FGD4: variants seen among roughly 807,000 people sequenced by gnomAD.
FGD4 encodes FYVE, RhoGEF and PH domain-containing protein 4.
A neutral mutation model predicts 102.0 loss-of-function variants in FGD4; 42 were observed. The ratio of observed to expected loss-of-function variants is 0.41; its 90% CI spans 0.32 to 0.53. The LOEUF (loss-of-function observed/expected upper bound fraction) is 0.53. Among genes scored for constraint, FGD4 ranks in the 20% least tolerant of loss-of-function variants. The pLI, the probability that FGD4 is intolerant of heterozygous loss-of-function variation, is 0.21. For synonymous variants in FGD4, 380 were observed against 375.7 expected (o/e 1.01, Z -0.13); for missense variants, 902 against 1,078.2 (o/e 0.84, Z 2.29).
At chr12:32,412,316 G>C (rs2136398062) in intron 1 of FGD4, among the ~76,000 whole-genome samples, 1 of 152,226 alleles carries the variant, frequency 6.6e-6, no homozygotes, top group East Asian at 1.9e-4. Flanking sequence ...ATGGAGAGAA[G>C]GAAAAAGTAT....
intron 9 of FGD4, 85 bp from the exon 10 acceptor site, chr12:32,611,052 T>TTA: frequency 6.6e-7 from 1 of 1,526,388 alleles, no homozygotes; most frequent in Non-Finnish European, 9.0e-7. Flanking sequence ...CCTTCTAAAT[T>TTA]TAGATTTTAG....
chr12:32,459,865 ATTTTTTTTGT>A (rs1162695119), intron 1 of FGD4, among the ~76,000 whole-genome samples: 4 of 150,702 alleles, frequency 2.7e-5, no homozygotes, highest in South Asian at 2.1e-4. Flanking sequence ...CATCTGGCTG[ATTTTTTTTGT>A]TTTTTTTTGT....
intron 1 of FGD4, among the ~76,000 whole-genome samples, chr12:32,415,333 A>G (rs1265303968): frequency 7.6e-6 from 1 of 131,504 alleles, no homozygotes; most frequent in Non-Finnish European, 1.6e-5. Context: ...TTCCTTGTTT[A>G]TTTTCTGTCT....
At position 32,486,037 on chromosome 12, in the gene FGD4, A is replaced by G. The variant is rs185242794; in HGVS notation, c.167-78100A>G. ...TCTAGTGTCTAAATACAGAATGCCT[A>G]TAGTTTCTACCAACAAATTATGGAT... On this transcript the variant is annotated intron_variant, in intron 1 of 16. Transcript: ENST00000534526. The G allele has an allele frequency of 2.2e-3, 3,327 of 1,482,788 alleles. 85 individuals are homozygous for G. In the South Asian group the frequency reaches 0.042, roughly 19 times the overall value. The allele number at this position is 1,482,788 out of a possible 1,614,324, so 91.9% of individuals were successfully genotyped here. A position where few individuals can be genotyped will look rare whatever the true frequency, so the allele number is the denominator to read the frequency against.
At chr12:32,629,082 G>A (rs979741486) in intron 14 of FGD4, among the ~76,000 whole-genome samples, 1 of 152,192 alleles carries the variant, frequency 6.6e-6, no homozygotes, top group African/African-American at 2.4e-5. Flanking sequence ...ATTGGAGTAA[G>A]CACTGTAAGA....
At chr12:32,477,885 C>T (rs891123701) in intron 1 of FGD4, among the ~76,000 whole-genome samples, 4 of 152,060 alleles carry the variant, frequency 2.6e-5, no homozygotes, top group Non-Finnish European at 4.4e-5. Context: ...TGGTAGGAGA[C>T]GACAAAACAG....
intron 11 of FGD4, among the ~76,000 whole-genome samples, chr12:32,621,804 T>G (rs1317119576): frequency 6.6e-6 from 1 of 152,160 alleles, no homozygotes; most frequent in Non-Finnish European, 1.5e-5. Flanking sequence ...AAGGGCAGAA[T>G]ATATGATGCT....
At chr12:32,639,070 A>G in intron 16 of FGD4, 1 of 691,374 alleles carries the variant, frequency 1.4e-6, no homozygotes, top group Non-Finnish European at 2.1e-6. Context: ...GAGCATGAGG[A>G]GAAGGGGAAG....
chr12:32,597,425 T>A (rs988152585), intron 4 of FGD4, among the ~76,000 whole-genome samples: 16 of 152,176 alleles, frequency 1.1e-4, no homozygotes, highest in African/African-American at 3.1e-4. Context: ...ATTGTACCAT[T>A]ACCAGGAGGA....
intron 11 of FGD4, among the ~76,000 whole-genome samples, chr12:32,622,308 T>G (rs1022707597): frequency 1.3e-5 from 2 of 152,226 alleles, no homozygotes; most frequent in African/African-American, 4.8e-5. Flanking sequence ...GGGTAGATAT[T>G]TCTCAGGTTT....
At chr12:32,464,758 C>G (rs1274388684) in intron 1 of FGD4, among the ~76,000 whole-genome samples, 4 of 152,148 alleles carry the variant, frequency 2.6e-5, no homozygotes, top group African/African-American at 9.7e-5. Context: ...TATTAAGGGT[C>G]ATAGTTTCAT....
chr12:32,430,625 G>A (rs565250240), intron 1 of FGD4, among the ~76,000 whole-genome samples: 13 of 126,312 alleles, frequency 1.0e-4, no homozygotes, highest in South Asian at 2.5e-4. Flanking sequence ...ATATAATTGC[G>A]TGTGTGTAAA....
intron 10 of FGD4, among the ~76,000 whole-genome samples, chr12:32,619,382 A>C (rs556948404): frequency 1.6e-3 from 249 of 152,210 alleles, no homozygotes; most frequent in Non-Finnish European, 2.7e-3. Context: ...TAATCCCAGC[A>C]CTTTGGGAGG....
intron 2 of FGD4, among the ~76,000 whole-genome samples, chr12:32,575,175 G>A (rs1946026279): frequency 6.6e-6 from 1 of 152,172 alleles, no homozygotes; most frequent in South Asian, 2.1e-4. Context: ...TATTGATGCA[G>A]GCCAACCATC....
At chr12:32,485,751 AT>A in intron 1 of FGD4, 1 of 789,202 alleles carries the variant, frequency 1.3e-6, no homozygotes, top group Non-Finnish European at 1.5e-6. Context: ...ACCAAGACCT[AT>A]TTTTAAAGGG....
intron 1 of FGD4, chr12:32,502,278 G>C (rs1938282106): frequency 1.0e-6 from 1 of 985,404 alleles, no homozygotes; most frequent in Non-Finnish European, 1.2e-6. Context: ...ACAAATGAAG[G>C]GAGTTTTACT....
chr12:32,620,538 T>C (rs1308719331), intron 11 of FGD4, among the ~76,000 whole-genome samples: 2 of 142,568 alleles, frequency 1.4e-5, no homozygotes, highest in Non-Finnish European at 3.1e-5. Context: ...TTTTTTTTTT[T>C]TTTTTGAGAT....
At chr12:32,629,637 GTCTC>G (rs1365977931) in intron 14 of FGD4, among the ~76,000 whole-genome samples, 3 of 151,832 alleles carry the variant, frequency 2.0e-5, no homozygotes, top group South Asian at 2.1e-4. Flanking sequence ...TTATCTCTGT[GTCTC>G]TCTCTATAGC....
chr12:32,499,801 A>C (rs1223900459), intron 1 of FGD4, among the ~76,000 whole-genome samples: 1 of 152,176 alleles, frequency 6.6e-6, no homozygotes, highest in Non-Finnish European at 1.5e-5. Context: ...GGATCACTTG[A>C]GCTCAGGAGT....
Sources: gnomAD v4.1 joint callset for allele counts (sites outside exome capture counted in the v4.1 genomes callset) on GRCh38, gnomAD v4.1.1 for gene constraint, MANE v1.5 for transcripts, NCBI Gene and HGNC (gene_info 2026-07-23, HGNC 2026-07-21) for gene names.